TENM2: variants seen among roughly 807,000 people sequenced by gnomAD.
The protein encoded by TENM2 is teneurin transmembrane protein 2.
In TENM2, 52 loss-of-function variants were observed where a neutral mutation model predicts 245.2. The ratio of observed to expected loss-of-function variants is 0.21; its 90% CI spans 0.17 to 0.27. The LOEUF is 0.27. Among genes scored for constraint, TENM2 ranks in the 10% least tolerant of loss-of-function variants. The pLI is 1.00. For synonymous variants in TENM2, 1,363 were observed against 1,438.9 expected (o/e 0.95, Z 1.19); for missense variants, 3,046 against 3,666.8 (o/e 0.83, Z 4.37).
chr5:167,334,449 A>G (rs1388525139), intron 1 of TENM2, among the ~76,000 whole-genome samples: 1 of 152,250 alleles, frequency 6.6e-6, no homozygotes, highest in East Asian at 1.9e-4. Context: ...TTATTAAGTA[A>G]CATCGACACT....
At chr5:167,767,886 C>A (rs2150747589) in intron 2 of TENM2, among the ~76,000 whole-genome samples, 1 of 152,262 alleles carries the variant, frequency 6.6e-6, no homozygotes, top group African/African-American at 2.4e-5. Context: ...TGGTGCATGA[C>A]AAGGAGAGCT....
the TENM2 span, among the ~76,000 whole-genome samples, chr5:167,123,715 T>C: frequency 6.6e-6 from 1 of 152,170 alleles, no homozygotes; most frequent in Non-Finnish European, 1.5e-5. Context: ...CCCAGTGCAA[T>C]TTTTTCCTCC....
At chr5:167,292,563 A>G (rs1283927418) in intron 1 of TENM2, among the ~76,000 whole-genome samples, 2 of 152,180 alleles carry the variant, frequency 1.3e-5, no homozygotes, top group African/African-American at 2.4e-5. Flanking sequence ...CATGTTTTCC[A>G]TAACATGGAT....
At chr5:167,806,565 A>G (rs1219235738) in intron 2 of TENM2, among the ~76,000 whole-genome samples, 1 of 152,022 alleles carries the variant, frequency 6.6e-6, no homozygotes, top group African/African-American at 2.4e-5. Flanking sequence ...AGCAACTCCA[A>G]TTTAATGTTC....
At chr5:167,031,498 G>A in the TENM2 span, among the ~76,000 whole-genome samples, 10 of 152,258 alleles carry the variant, frequency 6.6e-5, no homozygotes, top group East Asian at 1.7e-3. Flanking sequence ...TATAACAAGA[G>A]CAAAATGAAT....
intron 3 of TENM2, among the ~76,000 whole-genome samples, chr5:167,921,859 T>A (rs980561953): frequency 1.6e-4 from 24 of 152,150 alleles, no homozygotes; most frequent in African/African-American, 5.1e-4. Flanking sequence ...AATACTAGTA[T>A]TACCCCAACT....
chr5:167,201,470 G>T, the TENM2 span, among the ~76,000 whole-genome samples: 2 of 152,176 alleles, frequency 1.3e-5, no homozygotes, highest in Non-Finnish European at 2.9e-5. Context: ...TGTAATGGAG[G>T]AAAATCACAG....
At chr5:167,382,639 A>G (rs1369575529) in intron 2 of TENM2, among the ~76,000 whole-genome samples, 3 of 152,182 alleles carry the variant, frequency 2.0e-5, no homozygotes, top group African/African-American at 7.2e-5. Context: ...AGAGTAGGTT[A>G]ACAGATAACC....
intron 2 of TENM2, among the ~76,000 whole-genome samples, chr5:167,720,827 C>T (rs1759576535): frequency 6.6e-6 from 1 of 152,132 alleles, no homozygotes; most frequent in African/African-American, 2.4e-5. Context: ...TTATTGTTTA[C>T]ATATTACACT....
chr5:167,754,566 C>T (rs1395211651), intron 2 of TENM2, among the ~76,000 whole-genome samples: 4 of 151,848 alleles, frequency 2.6e-5, no homozygotes, highest in African/African-American at 9.7e-5. Context: ...ATTACTTCTG[C>T]CTAAGTGGAA....
At chr5:167,748,439 T>C (rs1413487656) in intron 2 of TENM2, among the ~76,000 whole-genome samples, 6 of 152,068 alleles carry the variant, frequency 3.9e-5, no homozygotes, top group Admixed American at 6.6e-5. Context: ...AGCGTAGTAG[T>C]GTAATCATAG....
At chr5:168,058,135 C>T (rs962435273) in intron 6 of TENM2, among the ~76,000 whole-genome samples, 1 of 152,200 alleles carries the variant, frequency 6.6e-6, no homozygotes, top group Non-Finnish European at 1.5e-5. Context: ...CTGAGTTATG[C>T]GTGACAGGAT....
At chr5:167,454,172 T>C (rs1030669) in intron 2 of TENM2, among the ~76,000 whole-genome samples, 57,676 of 151,856 alleles carry the variant, frequency 0.38, 11,580 homozygotes, top group East Asian at 0.61. Context: ...CCTTGAATCA[T>C]TCCTCAGTAA....
chr5:167,200,425 G>A, the TENM2 span, among the ~76,000 whole-genome samples: 1 of 151,714 alleles, frequency 6.6e-6, no homozygotes, highest in Non-Finnish European at 1.5e-5. Context: ...CTGTCTCTCT[G>A]CTTGCCCCCT....
intron 6 of TENM2, among the ~76,000 whole-genome samples, 162 bp downstream of exon 8, chr5:168,047,711 G>C (rs556432573): frequency 1.8e-4 from 27 of 152,322 alleles, no homozygotes; most frequent in African/African-American, 5.5e-4. Context: ...ATTAAAAGCT[G>C]TTTGCTGTTC....
At position 167,345,244 on chromosome 5, in the gene TENM2, G is replaced by A. The variant is rs548318859; in HGVS notation, c.227-29954G>A. On this transcript the variant is annotated intron_variant, in intron 1 of 28. Transcript: ENST00000518659. The stretch of plus-strand genomic sequence containing the variant: ...TGCAGTGTAGCAAGCAAGGCTTCAC[G>A]TCACGATTGCATGAGAAAGCCATGC... 4.6e-5 allele frequency among the ~76,000 whole-genome samples: 7 copies of A among 152,298 alleles called. No homozygotes were observed. In the South Asian group the frequency reaches 1.4e-3, roughly 32 times the overall value.
the TENM2 span, among the ~76,000 whole-genome samples, chr5:167,094,250 C>T: frequency 6.6e-6 from 1 of 152,050 alleles, no homozygotes; most frequent in Non-Finnish European, 1.5e-5. Context: ...AAGTTTTGCA[C>T]GTGTATACTC....
chr5:167,662,064 G>C (rs1186516834), intron 2 of TENM2, among the ~76,000 whole-genome samples: 1 of 152,204 alleles, frequency 6.6e-6, no homozygotes, highest in Non-Finnish European at 1.5e-5. Context: ...TGATGATAAA[G>C]GATATAGAGT....
At chr5:167,162,353 C>T in the TENM2 span, among the ~76,000 whole-genome samples, 69 of 152,126 alleles carry the variant, frequency 4.5e-4, 1 homozygote, top group Middle Eastern at 3.4e-3. Flanking sequence ...AAAAGCCGGG[C>T]ATGGTGGCTC....
Sources: gnomAD v4.1 joint callset for allele counts (sites outside exome capture counted in the v4.1 genomes callset) on GRCh38, gnomAD v4.1.1 for gene constraint, MANE v1.5 for transcripts, NCBI Gene and HGNC (gene_info 2026-07-23, HGNC 2026-07-21) for gene names.